The following ARHGEF7 variants were observed in gnomAD, a reference collection of about 807,000 sequenced individuals.
The protein encoded by ARHGEF7 is Rho guanine nucleotide exchange factor 7.
Under a neutral mutation model 109.8 loss-of-function variants are expected in ARHGEF7, and 33 were observed. That is an observed-to-expected ratio of 0.30 (90% confidence interval 0.23 to 0.40). The LOEUF is 0.40. Among genes scored for constraint, ARHGEF7 ranks in the 10% least tolerant of loss-of-function variants. The pLI, the probability that ARHGEF7 is intolerant of heterozygous loss-of-function variation, is 1.00. For missense variants in ARHGEF7, 938 were observed against 1,098.5 expected (o/e 0.85, Z 2.07); for synonymous variants, 458 against 424.6 (o/e 1.08, Z -0.97).
intron 8 of ARHGEF7, among the ~76,000 whole-genome samples, chr13:111,264,863 A>T (rs2091453301): frequency 6.6e-6 from 1 of 152,178 alleles, no homozygotes; most frequent in Non-Finnish European, 1.5e-5. Flanking sequence ...TACCGTAACT[A>T]CATTTGACAT....
intron 3 of ARHGEF7, among the ~76,000 whole-genome samples, chr13:111,205,774 G>A (rs2081755478): frequency 6.6e-6 from 1 of 152,130 alleles, no homozygotes; most frequent in Non-Finnish European, 1.5e-5. Flanking sequence ...TGATAAGGGA[G>A]TGGCTCGTGG....
rs1276429145 is a variant in ARHGEF7 at position 111,179,045 on chromosome 13, C to A, written c.252+25054C>A. On this transcript the variant is annotated intron_variant, in intron 2 of 21. Coordinates refer to ENST00000646102, the MANE Select transcript of ARHGEF7 (RefSeq NM_001354046.2). Reference sequence around the variant, plus strand: ...TCGGTGAACATCCGTGTGCCCTTCTCACAGGTCACCAGCATTCTGAGTTCA... The same window carrying A: ...TCGGTGAACATCCGTGTGCCCTTCTAACAGGTCACCAGCATTCTGAGTTCA... Among the ~76,000 whole-genome samples the A allele has an allele frequency of 3.3e-5, 5 of 150,248 alleles. No homozygotes were observed. In the East Asian group the frequency reaches 7.8e-4, roughly 23 times the overall value.
intron 8 of ARHGEF7, 28 bp downstream of exon 8, chr13:111,244,322 A>G: frequency 7.2e-7 from 1 of 1,393,014 alleles, no homozygotes. Context: ...AATTTGCAAC[A>G]CTCAGGTTGG....
Position 111,145,592 on chromosome 13 carries a change from C to A in ARHGEF7, c.166-8313C>A, listed in dbSNP as rs933773744. 1.3e-5 allele frequency among the ~76,000 whole-genome samples: 2 copies of A among 152,182 alleles called. No individual in the cohort carries two copies. The highest frequency in any genetic ancestry group is 4.8e-5 in the African/African-American group (2 of 41,430). The stretch of plus-strand genomic sequence containing the variant: ...CCTGGCGTGTACCGTTTGCTGATTT[C>A]TGTGCCGTAGGTACTTACACCAGGG... On this transcript the variant is annotated intron_variant, in intron 1 of 21. Coordinates refer to ENST00000646102, the MANE Select transcript of ARHGEF7 (RefSeq NM_001354046.2). This position sits in a 1 kb window ranked among gnomAD's most constrained non-coding sequence, Gnocchi z 4.3.
rs2153541678 is a variant in ARHGEF7 at position 111,241,833 on chromosome 13, GC to G, written c.760-2038del. Among the ~76,000 whole-genome samples, 3 of 152,300 alleles carry G rather than the reference GC, an allele frequency of 2.0e-5. No individual in the cohort carries two copies. In the East Asian group the frequency reaches 5.8e-4, roughly 29 times the overall value. Reference sequence around the variant, plus strand: ...GGTATCCAATATTTGTAATTAGGAAGCTAAATCATATTTCCTATCTTTAACA... The same window carrying G: ...GGTATCCAATATTTGTAATTAGGAAGTAAATCATATTTCCTATCTTTAACA... On this transcript the variant is annotated intron_variant, in intron 6 of 21. Transcript: ENST00000646102.
intron 2 of ARHGEF7, among the ~76,000 whole-genome samples, chr13:111,155,490 T>C (rs1300317493): frequency 1.3e-5 from 2 of 152,232 alleles, no homozygotes; most frequent in Non-Finnish European, 2.9e-5. Context: ...TAGGGGAGAT[T>C]CCAAGAAACT....
intron 2 of ARHGEF7, among the ~76,000 whole-genome samples, chr13:111,157,658 A>G (rs1054440409): frequency 6.6e-6 from 1 of 152,350 alleles, no homozygotes; most frequent in East Asian, 1.9e-4. Flanking sequence ...AGCAAGTGAT[A>G]GGACATTTCT....
chr13:111,232,153 A>C (rs1437056818), intron 5 of ARHGEF7, among the ~76,000 whole-genome samples: 1 of 152,038 alleles, frequency 6.6e-6, no homozygotes, highest in African/African-American at 2.4e-5. Flanking sequence ...TGATAGACCC[A>C]CCCTATAGAA....
At chr13:111,232,401 C>G (rs368026681) in intron 5 of ARHGEF7, among the ~76,000 whole-genome samples, 5 of 152,166 alleles carry the variant, frequency 3.3e-5, no homozygotes, top group East Asian at 3.9e-4. Flanking sequence ...CACACCCACA[C>G]TGTCCATAGA....
Position 111,273,674 on chromosome 13 carries a change from G to T in ARHGEF7, c.1074-140G>T. On this transcript the variant is annotated intron_variant, in intron 9 of 21. Coordinates refer to ENST00000646102, the MANE Select transcript of ARHGEF7 (RefSeq NM_001354046.2). The surrounding 1 kb of genome is among the most constrained non-coding windows in gnomAD (Gnocchi z 4.5). ...ATTTCCAGATAAGCAGCGCAGATTT[G>T]GGATAAAAGCTGGAGCCTTCCAGAT... The T allele has an allele frequency of 1.7e-6, 2 of 1,177,562 alleles. No homozygotes were observed. The highest frequency in any genetic ancestry group is 1.2e-6 in the Non-Finnish European group (1 of 829,610). The allele number at this position is 1,177,562 out of a possible 1,614,324, so 72.9% of individuals were successfully genotyped here. A position where few individuals can be genotyped will look rare whatever the true frequency, so the allele number is the denominator to read the frequency against.
chr13:111,253,315 T>C (rs2090014961), intron 8 of ARHGEF7, among the ~76,000 whole-genome samples: 1 of 152,256 alleles, frequency 6.6e-6, no homozygotes, highest in South Asian at 2.1e-4. Context: ...TCTTGGAATC[T>C]AATAGTATCT....
chr13:111,128,984 T>C (rs987348315), intron 1 of ARHGEF7, among the ~76,000 whole-genome samples: 2 of 152,110 alleles, frequency 1.3e-5, no homozygotes, highest in East Asian at 1.9e-4. Context: ...ACAACAGTAA[T>C]GGAGTCAGCA....
At chr13:111,283,603 T>C (rs913495729) in intron 16 of ARHGEF7, among the ~76,000 whole-genome samples, 4 of 152,210 alleles carry the variant, frequency 2.6e-5, no homozygotes, top group Admixed American at 6.5e-5. Context: ...CAGGGGGGCC[T>C]TTACTGCACT....
At chr13:111,201,795 TC>T (rs1308043836) in intron 2 of ARHGEF7, among the ~76,000 whole-genome samples, 1 of 152,104 alleles carries the variant, frequency 6.6e-6, no homozygotes, top group Non-Finnish European at 1.5e-5. Context: ...TCTTCCTTCT[TC>T]CAGCACCGCC....
chr13:111,234,418 G>A (rs1160122500), intron 6 of ARHGEF7, among the ~76,000 whole-genome samples: 1 of 152,192 alleles, frequency 6.6e-6, no homozygotes, highest in Non-Finnish European at 1.5e-5. Context: ...ATTAATAACT[G>A]TTTATTGGGC....
At chr13:111,295,654 C>T (rs1380976594) in intron 19 of ARHGEF7, among the ~76,000 whole-genome samples, 1 of 152,144 alleles carries the variant, frequency 6.6e-6, no homozygotes, top group African/African-American at 2.4e-5. Flanking sequence ...AAGGTGCAGA[C>T]AGTAAATGTA....
intron 2 of ARHGEF7, among the ~76,000 whole-genome samples, chr13:111,201,140 A>G (rs767320078): frequency 6.6e-6 from 1 of 151,886 alleles, no homozygotes. Flanking sequence ...CCAAATCCCC[A>G]TCGTCCCCCT....
chr13:111,294,429 G>A (rs1198326641), intron 19 of ARHGEF7: 2 of 985,380 alleles, frequency 2.0e-6, no homozygotes, highest in Non-Finnish European at 1.2e-6. Flanking sequence ...GTATCATTTG[G>A]TTATCTTACT....
At chr13:111,163,005 A>G (rs574386867) in intron 2 of ARHGEF7, among the ~76,000 whole-genome samples, 1 of 152,340 alleles carries the variant, frequency 6.6e-6, no homozygotes, top group Non-Finnish European at 1.5e-5. Context: ...GAAGGTTTAT[A>G]AGCACCAAAG....
Sources: gnomAD v4.1 joint callset for allele counts (sites outside exome capture counted in the v4.1 genomes callset) on GRCh38, gnomAD v4.1.1 for gene constraint, Gnocchi (gnomAD v3.1) non-coding constraint, MANE v1.5 for transcripts, NCBI Gene and HGNC (gene_info 2026-07-23, HGNC 2026-07-21) for gene names.